The following PRKAR1A variants were observed in gnomAD, a reference collection of about 807,000 sequenced individuals.
PRKAR1A encodes cAMP-dependent protein kinase type I-alpha regulatory subunit.
In PRKAR1A, 3 loss-of-function variants were observed where a neutral mutation model predicts 52.0. That is an observed-to-expected ratio of 0.06 (90% CI 0.03 to 0.15). The LOEUF is 0.15. PRKAR1A is among the 10% of genes least tolerant of loss of function. The pLI, the probability that PRKAR1A is intolerant of heterozygous loss-of-function variation, is 1.00. For synonymous variants in PRKAR1A, 188 were observed against 168.4 expected, an observed-to-expected ratio of 1.12 and a Z score of -0.90; for missense variants, 240 against 477.4, an observed-to-expected ratio of 0.50 and a Z score of 4.63.
intron 11 of PRKAR1A, chr17:68,542,040 T>C: frequency 6.2e-7 from 1 of 1,614,076 alleles, no homozygotes; most frequent in African/African-American, 1.3e-5. Flanking sequence ...ACAGACAGCC[T>C]GGGGGCCAGG....
chr17:68,423,163 T>C, the PRKAR1A span, among the ~76,000 whole-genome samples: 12 of 152,242 alleles, frequency 7.9e-5, no homozygotes, highest in East Asian at 7.7e-4. This position sits in a 1 kb window ranked among gnomAD's most constrained non-coding sequence, Gnocchi z 4.4. Context: ...TCCTAGAAGA[T>C]TTTAAGGAAT....
intron 11 of PRKAR1A, chr17:68,539,491 A>G: frequency 8.6e-7 from 1 of 1,166,460 alleles, no homozygotes; most frequent in Non-Finnish European, 1.3e-6. Context: ...TGAATCAGAG[A>G]TTGGGGTAAA....
chr17:68,420,753 C>A, the PRKAR1A span: 1 of 419,214 alleles, frequency 2.4e-6, no homozygotes, highest in Non-Finnish European at 4.3e-6. Flanking sequence ...ATTGTTTAAC[C>A]TAACCTGCAA....
At chr17:68,538,412 A>C (rs1381745488), downstream of PRKAR1A, among the ~76,000 whole-genome samples, 2 of 152,184 alleles carry the variant, frequency 1.3e-5, no homozygotes, top group Non-Finnish European at 2.9e-5. Flanking sequence ...CTCATGCTCT[A>C]CTCCGAGTTT....
chr17:68,426,127 T>TCAA, the PRKAR1A span: 1 of 1,612,430 alleles, frequency 6.2e-7, no homozygotes, highest in Non-Finnish European at 8.5e-7. Context: ...CGCAAACTCA[T>TCAA]GTTCAGGAAT....
the PRKAR1A span, among the ~76,000 whole-genome samples, chr17:68,423,211 T>G: frequency 2.0e-5 from 3 of 152,186 alleles, no homozygotes; most frequent in African/African-American, 7.2e-5. This position sits in a 1 kb window ranked among gnomAD's most constrained non-coding sequence, Gnocchi z 4.4. Flanking sequence ...AGATTTGCAA[T>G]AGGCATGACA....
At chr17:68,481,341 A>C in the PRKAR1A span, among the ~76,000 whole-genome samples, 1 of 152,242 alleles carries the variant, frequency 6.6e-6, no homozygotes, top group Non-Finnish European at 1.5e-5. Context: ...TATTACATGT[A>C]ATATAGAATG....
At chr17:68,444,910 G>A in the PRKAR1A span, among the ~76,000 whole-genome samples, 1 of 137,200 alleles carries the variant, frequency 7.3e-6, no homozygotes, top group Non-Finnish European at 1.5e-5. Flanking sequence ...CAGGGATCCT[G>A]AACACTTTTT....
At chr17:68,520,136 G>C (rs2085560012) in intron 2 of PRKAR1A, among the ~76,000 whole-genome samples, 1 of 152,218 alleles carries the variant, frequency 6.6e-6, no homozygotes, top group Non-Finnish European at 1.5e-5. Flanking sequence ...TCAAAGCAGA[G>C]GGAGGGCAGA....
At chr17:68,536,592 G>A (rs1187303749), downstream of PRKAR1A, 1 of 453,688 alleles carries the variant, frequency 2.2e-6, no homozygotes, top group Non-Finnish European at 4.4e-6. Context: ...TTTTGGGGAT[G>A]GGCCGGGGAC....
the PRKAR1A span, chr17:68,420,429 C>T: frequency 6.2e-7 from 1 of 1,614,110 alleles, no homozygotes; most frequent in Non-Finnish European, 8.5e-7. Flanking sequence ...TGCTGTAATC[C>T]CTACCAAATT....
the PRKAR1A span, among the ~76,000 whole-genome samples, chr17:68,483,790 G>A: frequency 6.6e-6 from 1 of 152,034 alleles, no homozygotes; most frequent in South Asian, 2.1e-4. Flanking sequence ...GAACCTGGGA[G>A]GTGGAGGTTG....
intron 11 of PRKAR1A, among the ~76,000 whole-genome samples, chr17:68,545,663 T>A (rs895196806): frequency 2.6e-5 from 4 of 152,308 alleles, no homozygotes; most frequent in East Asian, 1.9e-4. Context: ...AAAAGATGTA[T>A]CTGTAGCACG....
chr17:68,525,049 A>G (rs111501509), intron 6 of PRKAR1A, 91 bp downstream of exon 6: 6 of 1,022,764 alleles, frequency 5.9e-6, no homozygotes, highest in Non-Finnish European at 7.6e-6. Context: ...TTGAAGGGTC[A>G]TTACATCCCT....
the PRKAR1A span, among the ~76,000 whole-genome samples, chr17:68,451,309 C>A: frequency 6.6e-6 from 1 of 152,128 alleles, no homozygotes; most frequent in Non-Finnish European, 1.5e-5. Flanking sequence ...TGGTGCACAC[C>A]TGTAATCTCA....
At chr17:68,433,450 G>A in the PRKAR1A span, 1 of 1,608,374 alleles carries the variant, frequency 6.2e-7, no homozygotes, top group Non-Finnish European at 8.5e-7. Context: ...AGCATTTGGT[G>A]CCCCGCGGAG....
the PRKAR1A span, among the ~76,000 whole-genome samples, chr17:68,473,105 G>T: frequency 3.9e-5 from 6 of 152,130 alleles, no homozygotes; most frequent in African/African-American, 1.4e-4. Context: ...GCCTCTCTTG[G>T]CAAATGCTGG....
chr17:68,489,408 A>G, the PRKAR1A span, among the ~76,000 whole-genome samples: 1 of 118,252 alleles, frequency 8.5e-6, no homozygotes, highest in Non-Finnish European at 1.7e-5. Flanking sequence ...GAAAGTATAT[A>G]TATATATATG....
chr17:68,510,159 C>CAGAGGAGAGAGAGAGAG (rs1555810693), upstream of PRKAR1A, among the ~76,000 whole-genome samples: 3 of 127,632 alleles, frequency 2.4e-5, no homozygotes, highest in East Asian at 4.8e-4. Context: ...TATATGTAGA[C>CAGAGGAGAGAGAGAGAG]AGAGAGAGAG....
Sources: gnomAD v4.1 joint callset for allele counts (sites outside exome capture counted in the v4.1 genomes callset) on GRCh38, gnomAD v4.1.1 for gene constraint, Gnocchi (gnomAD v3.1) non-coding constraint, MANE v1.5 for transcripts, NCBI Gene and HGNC (gene_info 2026-07-23, HGNC 2026-07-21) for gene names.